TMCO5A: variants seen among roughly 807,000 people sequenced by gnomAD.
TMCO5A encodes transmembrane and coiled-coil domains 5A.
A neutral mutation model predicts 42.3 loss-of-function variants in TMCO5A; 34 were observed. The ratio of observed to expected loss-of-function variants is 0.80; its 90% CI spans 0.61 to 1.07. The LOEUF is 1.07. Ranked by LOEUF, TMCO5A falls within the 50% of genes least tolerant of loss-of-function variation. The pLI, the probability that TMCO5A is intolerant of heterozygous loss-of-function variation, is 0.00. For synonymous variants in TMCO5A, 131 were observed against 115.6 expected (o/e 1.13, Z -0.86); for missense variants, 357 against 327.9 (o/e 1.09, Z -0.69).
chr15:37,961,237 C>G (rs1235311019), intron 11 of TMCO5A, among the ~76,000 whole-genome samples: 1 of 152,102 alleles, frequency 6.6e-6, no homozygotes, highest in African/African-American at 2.4e-5. Flanking sequence ...AGATGAGGAT[C>G]CAGTTTCATT....
chr15:37,957,430 A>T (rs546122120), intron 11 of TMCO5A, among the ~76,000 whole-genome samples: 2 of 115,730 alleles, frequency 1.7e-5, no homozygotes, highest in South Asian at 7.2e-4. Flanking sequence ...AATCACAAGC[A>T]TTCCTGTACA....
chr15:37,985,873 T>C, the TMCO5A span, among the ~76,000 whole-genome samples: 1 of 133,834 alleles, frequency 7.5e-6, no homozygotes, highest in African/African-American at 4.1e-5. Flanking sequence ...TTCTTTCATA[T>C]CAGCTTTTTT....
chr15:38,011,010 G>T, the TMCO5A span, among the ~76,000 whole-genome samples: 1 of 152,208 alleles, frequency 6.6e-6, no homozygotes, highest in Non-Finnish European at 1.5e-5. Context: ...TCCTCCCAAA[G>T]TGCTGGGATC....
At chr15:37,936,602 T>A (rs149464680) in intron 3 of TMCO5A, 139 bp downstream of exon 3, 2 of 1,172,730 alleles carry the variant, frequency 1.7e-6, no homozygotes, top group African/African-American at 3.1e-5. Context: ...CTTTGACATT[T>A]CTCTTGAACA....
Position 37,951,258 on chromosome 15 carries a change from A to T in TMCO5A, c.*24A>T, listed in dbSNP as rs373984247. 2 of 1,607,028 alleles carry T rather than the reference A, an allele frequency of 1.2e-6. No individual in the cohort carries two copies. The highest frequency in any genetic ancestry group is 2.7e-5 in the African/African-American group (2 of 74,788). Reference sequence around the variant, plus strand: ...GATTCCCTAAGAAATATCCTTGAGCAATAGAAGGGAAGTGGGATCCGAGCC... The same window carrying T: ...GATTCCCTAAGAAATATCCTTGAGCTATAGAAGGGAAGTGGGATCCGAGCC... On this transcript the variant is annotated 3_prime_UTR_variant, in exon 12 of 12. Coordinates refer to ENST00000319669, the MANE Select transcript of TMCO5A (RefSeq NM_152453.4).
chr15:37,936,519 C>G, intron 3 of TMCO5A, 56 bp downstream of exon 3: 1 of 1,552,612 alleles, frequency 6.4e-7, no homozygotes, highest in Non-Finnish European at 8.7e-7. Context: ...GGTGGAGGAC[C>G]AAAACCAAAA....
At chr15:37,955,184 C>T (rs1890254368), downstream of TMCO5A, among the ~76,000 whole-genome samples, 1 of 149,284 alleles carries the variant, frequency 6.7e-6, no homozygotes, top group Admixed American at 6.8e-5. Context: ...ACCCAAGGAT[C>T]TGTTGCCTAA....
chr15:37,973,655 GGAGCTT>G, the TMCO5A span, among the ~76,000 whole-genome samples: 1 of 152,248 alleles, frequency 6.6e-6, no homozygotes, highest in East Asian at 1.9e-4. Flanking sequence ...ATCAGCTGAA[GGAGCTT>G]CTGGGCTGAG....
At chr15:38,000,768 T>C in the TMCO5A span, among the ~76,000 whole-genome samples, 2 of 152,140 alleles carry the variant, frequency 1.3e-5, no homozygotes, top group Admixed American at 6.5e-5. Context: ...ATTGACTTGC[T>C]GGTCATTCAG....
intron 10 of TMCO5A, among the ~76,000 whole-genome samples, chr15:37,945,736 ATTTG>A (rs1306197332): frequency 6.6e-6 from 1 of 151,878 alleles, no homozygotes; most frequent in Non-Finnish European, 1.5e-5. Context: ...TTTCTTGTAA[ATTTG>A]TTTAAGTTCC....
the TMCO5A span, among the ~76,000 whole-genome samples, chr15:37,987,936 G>T: frequency 1.3e-5 from 2 of 151,904 alleles, no homozygotes; most frequent in South Asian, 4.1e-4. Context: ...CACTGAATTT[G>T]TATACCACTT....
At chr15:37,942,497 T>G in intron 9 of TMCO5A, 2 of 418,392 alleles carry the variant, frequency 4.8e-6, no homozygotes, top group Non-Finnish European at 8.6e-6. Flanking sequence ...TGTTATCACA[T>G]TATCACATTA....
intron 7 of TMCO5A, 84 bp downstream of exon 7, chr15:37,941,289 AT>A: frequency 7.3e-7 from 1 of 1,377,572 alleles, no homozygotes; most frequent in Non-Finnish European, 1.0e-6. Flanking sequence ...CAAGTGATTG[AT>A]TTACATTAAG....
At chr15:37,994,538 T>A in the TMCO5A span, 1 of 152,272 alleles carries the variant, frequency 6.6e-6, no homozygotes, top group African/African-American at 2.4e-5. Flanking sequence ...TGCAATTGGT[T>A]GCGCTTTTGA....
intron 11 of TMCO5A, among the ~76,000 whole-genome samples, chr15:37,958,647 A>G (rs185534483): frequency 8.5e-5 from 13 of 152,322 alleles, no homozygotes; most frequent in Non-Finnish European, 8.8e-5. Context: ...GTGGAGAAAT[A>G]GGAACGCTTT....
the TMCO5A span, among the ~76,000 whole-genome samples, chr15:37,979,560 G>A: frequency 6.6e-6 from 1 of 152,196 alleles, no homozygotes; most frequent in Non-Finnish European, 1.5e-5. Flanking sequence ...GCACCCAAGC[G>A]GGGATGGGGT....
the TMCO5A span, among the ~76,000 whole-genome samples, chr15:38,035,156 A>G: frequency 6.6e-6 from 1 of 152,218 alleles, no homozygotes; most frequent in African/African-American, 2.4e-5. Flanking sequence ...GCATTTTCAC[A>G]TAGCTGCATT....
At chr15:37,941,611 T>C in intron 7 of TMCO5A, 60 bp from the exon 8 acceptor site, 1 of 1,244,492 alleles carries the variant, frequency 8.0e-7, no homozygotes, top group Non-Finnish European at 1.2e-6. Flanking sequence ...AAAACAAGTA[T>C]GCTTGTGTTC....
chr15:37,979,623 C>T, the TMCO5A span, among the ~76,000 whole-genome samples: 7 of 152,158 alleles, frequency 4.6e-5, no homozygotes, highest in East Asian at 3.9e-4. Flanking sequence ...GTAGGGACAG[C>T]GAACCATGAG....
Sources: gnomAD v4.1 joint callset for allele counts (sites outside exome capture counted in the v4.1 genomes callset) on GRCh38, gnomAD v4.1.1 for gene constraint, MANE v1.5 for transcripts, NCBI Gene and HGNC (gene_info 2026-07-23, HGNC 2026-07-21) for gene names.